The following ETAA1 variants were observed in gnomAD, a reference collection of about 807,000 sequenced individuals.
The protein encoded by ETAA1 is ewing's tumor-associated antigen 1.
In ETAA1, 49 loss-of-function variants were observed where a neutral mutation model predicts 76.8. The ratio of observed to expected loss-of-function variants is 0.64; its 90% CI spans 0.51 to 0.81. The LOEUF (loss-of-function observed/expected upper bound fraction) is 0.81, where lower values mean the gene tolerates loss of function less well. ETAA1 is among the 30% of genes least tolerant of loss of function. The pLI, the probability that ETAA1 is intolerant of heterozygous loss-of-function variation, is 0.00. For missense variants in ETAA1, 1,099 were observed against 1,074.0 expected (o/e 1.02, Z -0.32); for synonymous variants, 373 against 372.2 (o/e 1.00, Z -0.03).
rs1001691796 is a variant in ETAA1 at position 67,404,980 on chromosome 2, C to T, written c.2298C>T (p.Ser766=). The change falls in exon 5 of 6, where the codon TCC becomes TCT. Residue 766 remains serine (S), a synonymous_variant. Transcript: ENST00000272342. ...NTDVPIQVNS[S]KLVLPGSSSL... ...ATGTTCCAATACAAGTGAATAGTTC[C>T]AAATTGGTTCTTCCAGGAAGTTCAA... The T allele has an allele frequency of 1.2e-6, 2 of 1,612,472 alleles. No homozygotes were observed. Among genetic ancestry groups the T allele is most frequent in the Non-Finnish European group, 1.7e-6 (2 of 1,179,114 alleles).
chr2:67,404,041 CAG>C lies in ETAA1; in HGVS notation c.1363_1364del (p.Glu455IlefsTer7). On this transcript the variant is annotated frameshift_variant, in exon 5 of 6. Coordinates refer to ENST00000272342, the MANE Select transcript of ETAA1 (RefSeq NM_019002.4). LOFTEE classifies it high-confidence loss of function. ...LQDLSSKTYDRELIDAEYRFS... is the reference protein window; with the variant it reads ...LQDLSSKTYDXELIDAEYRFS... ...AAGATCTTTCTTCAAAGACATATGACAGAGAATTAATAGATGCAGAATATAGA... is the reference window on the plus strand; with the variant it reads ...AAGATCTTTCTTCAAAGACATATGACAGAATTAATAGATGCAGAATATAGA... The C allele has an allele frequency of 6.2e-7, 1 of 1,606,698 alleles. No individual in the cohort carries two copies. Among genetic ancestry groups the C allele is most frequent in the Non-Finnish European group, 8.5e-7 (1 of 1,176,678 alleles).
In ETAA1 at chr2:67,404,095, C is replaced by T; in HGVS notation, c.1413C>T (p.Asn471=). The change falls in exon 5 of 6, where the codon AAC becomes AAT. Residue 471 remains asparagine (N), a synonymous_variant. Transcript: ENST00000272342. ...YRFSPNSNKS[N]KLSTGNKMKF... ...TTTCACCAAATTCAAATAAATCAAACAAATTATCCACTGGAAATAAAATGA... is the reference window on the plus strand; with the variant it reads ...TTTCACCAAATTCAAATAAATCAAATAAATTATCCACTGGAAATAAAATGA... 5 of 1,592,674 alleles carry T rather than the reference C, an allele frequency of 3.1e-6. No individual in the cohort carries two copies. The highest frequency in any genetic ancestry group is 4.3e-6 in the Non-Finnish European group (5 of 1,172,460).
chr2:67,401,110 G>C (rs189666768), intron 3 of ETAA1: 2 of 152,144 alleles, frequency 1.3e-5, no homozygotes, highest in Non-Finnish European at 2.9e-5. Flanking sequence ...ACCTAAGTGG[G>C]CTAGAAATAA....
rs757890788 is a variant in ETAA1, at chr2:67,403,404, A to G, written c.722A>G (p.His241Arg). ...GATAATATACAGATGTGGTCATTAC[A>G]TAATATAGTTCCCGAAATAGATAAT... ...YKDNIQMWSL[H>R]NIVPEIDNAT... The change falls in exon 5 of 6, where the codon CAT becomes CGT. Residue 241 changes from histidine (H) to arginine (R), a missense_variant. Transcript: ENST00000272342. 3 of 1,608,382 alleles carry G rather than the reference A, an allele frequency of 1.9e-6. 1 individual carries two copies. The highest frequency in any genetic ancestry group is 2.2e-5 in the South Asian group (2 of 90,876).
chr2:67,410,238 A>G lies in ETAA1; in HGVS notation c.*200A>G. ...CATGTATTTGAAAGTCATTAAATACAAAAGTTTTGGAAATTCAGGAAAGTT... is the reference window on the plus strand; with the variant it reads ...CATGTATTTGAAAGTCATTAAATACGAAAGTTTTGGAAATTCAGGAAAGTT... On this transcript the variant is annotated 3_prime_UTR_variant, in exon 6 of 6. Transcript: ENST00000272342. The G allele has an allele frequency of 1.9e-6, 1 of 534,284 alleles. No individual in the cohort carries two copies. Among genetic ancestry groups the G allele is most frequent in the East Asian group, 3.7e-5 (1 of 27,370 alleles). 33.1% of individuals were successfully genotyped at this position (534,284 alleles called of 1,614,324 possible).
intron 5 of ETAA1, among the ~76,000 whole-genome samples, chr2:67,406,174 C>T (rs1053326681): frequency 3.3e-5 from 5 of 152,120 alleles, no homozygotes; most frequent in African/African-American, 1.2e-4. Flanking sequence ...TCTCTTTAAC[C>T]TGCGTCTCCT....
chr2:67,406,530 T>A (rs1676224811), intron 5 of ETAA1, among the ~76,000 whole-genome samples: 1 of 152,166 alleles, frequency 6.6e-6, no homozygotes, highest in South Asian at 2.1e-4. Context: ...CTAAGTGACT[T>A]TTTTTAAAAA....
rs779506067 is a variant in ETAA1 at position 67,404,943 on chromosome 2, A to T, written c.2261A>T (p.Tyr754Phe). 1.2e-6 allele frequency: 2 copies of T among 1,613,120 alleles called. No homozygotes were observed. Among genetic ancestry groups the T allele is most frequent in the African/African-American group, 1.3e-5 (1 of 75,026 alleles). ...CAGATAAATAATCTGCATGTGTCTT[A>T]TACTAACACTGATGTTCCAATACAA... ...NCQINNLHVS[Y>F]TNTDVPIQVN... is the part of the protein sequence containing the mutation. Residue 754 changes from tyrosine to phenylalanine, a missense_variant, in exon 5 of 6, where the codon TAT (tyrosine) becomes TTT (phenylalanine). Physicochemically the swap from Tyr to Phe is conservative, Grantham distance 22. Around this residue, in one of 3 missense-constraint regions of ETAA1, gnomAD observed 302 missense variants for 278.1 expected, o/e 1.09. Coordinates refer to ENST00000272342, the MANE Select transcript of ETAA1 (RefSeq NM_019002.4).
At position 67,411,394 on chromosome 2, in the gene ETAA1, A is replaced by G. The variant is rs942206808; in HGVS notation, c.*1356A>G. 6.6e-6 allele frequency: 1 copy of G among 152,092 alleles called. No homozygotes were observed. Among genetic ancestry groups the G allele is most frequent in the Admixed American group, 6.6e-5 (1 of 15,228 alleles). The allele number at this position is 152,092 out of a possible 1,614,324, so 9.4% of individuals were successfully genotyped here. ...AATAAACCCATCATGAGTTGAAAAT[A>G]CCTTAAGTTAAAAATGCATTTACTA... On this transcript the variant is annotated 3_prime_UTR_variant, in exon 6 of 6. Transcript: ENST00000272342.
intron 3 of ETAA1, 57 bp from the exon 4 acceptor site, chr2:67,402,804 GA>G (rs1198554060): frequency 1.8e-6 from 2 of 1,088,536 alleles, no homozygotes; most frequent in Non-Finnish European, 2.5e-6. Flanking sequence ...TGTTTTTTTG[GA>G]AGACGGGGGA....
rs780212331 is a variant in ETAA1 at position 67,403,570 on chromosome 2, G to C, written c.888G>C (p.Gln296His). Residue 296 changes from glutamine to histidine, a missense_variant, in exon 5 of 6, where the codon CAG becomes CAC. Physicochemically the swap from Gln to His is conservative, Grantham distance 24. Transcript: ENST00000272342. ...GTTCTACTCAGAAATGTAGCGGACAGTTAAGCCAAGAACTGCCAGAGGCTT... is the reference window on the plus strand; with the variant it reads ...GTTCTACTCAGAAATGTAGCGGACACTTAAGCCAAGAACTGCCAGAGGCTT... ...FDGSTQKCSG[Q>H]LSQELPEAFW... 6.2e-7 allele frequency: 1 copy of C among 1,613,378 alleles called. No individual in the cohort carries two copies. The highest frequency in any genetic ancestry group is 8.5e-7 in the Non-Finnish European group (1 of 1,179,406).
chr2:67,404,610 C>A lies in ETAA1; in HGVS notation c.1928C>A (p.Ser643Tyr). 1 of 1,613,154 alleles carries A rather than the reference C, an allele frequency of 6.2e-7. No homozygotes were observed. The highest frequency in any genetic ancestry group is 1.7e-4 in the Middle Eastern group (1 of 6,050). The change falls in exon 5 of 6, where the codon TCC becomes TAC. Residue 643 changes from serine (S) to tyrosine (Y), a missense_variant. By Grantham distance (144) the Ser-to-Tyr change is moderately radical (BLOSUM62 -2). Transcript: ENST00000272342. ...AGTATATGTGAGATCAATAATAATT[C>A]CGAACATGGAGCCAAACTAACTCAG... ...SESICEINNN[S>Y]EHGAKLTQQQ...
chr2:67,397,778 T>A, intron 1 of ETAA1, 107 bp downstream of exon 1: 1 of 1,155,570 alleles, frequency 8.7e-7, no homozygotes, highest in Non-Finnish European at 1.2e-6. Flanking sequence ...GCGTGTATTC[T>A]GTCTCTGGGA....
chr2:67,402,601 AAT>A, intron 3 of ETAA1: 2 of 187,468 alleles, frequency 1.1e-5, no homozygotes, highest in Non-Finnish European at 2.2e-5. Flanking sequence ...TTCTTAAAAC[AAT>A]ATTTTTTTAA....
intron 5 of ETAA1, 57 bp from the exon 6 acceptor site, chr2:67,409,854 A>G: frequency 2.0e-6 from 3 of 1,512,048 alleles, no homozygotes; most frequent in Admixed American, 2.4e-5. Flanking sequence ...ATTAAAGCAC[A>G]TATTGAATGA....
chr2:67,398,187 G>A lies in ETAA1; in HGVS notation c.223+516G>A, dbSNP rs574140840. On this transcript the variant is annotated intron_variant, in intron 1 of 5. Coordinates refer to ENST00000272342, the MANE Select transcript of ETAA1 (RefSeq NM_019002.4). ...AACATCCCTCCAAATAAGATACTAAGGATCTCTTTCGTCTCGATTAGTTTT... is the reference window on the plus strand; with the variant it reads ...AACATCCCTCCAAATAAGATACTAAAGATCTCTTTCGTCTCGATTAGTTTT... Among the ~76,000 whole-genome samples the A allele has an allele frequency of 8.4e-4, 128 of 152,010 alleles. 1 individual carries two copies. The highest frequency in any genetic ancestry group is 3.0e-3 in the African/African-American group (123 of 41,468).
At chr2:67,403,144 T>C (rs1676101229) in intron 4 of ETAA1, 81 bp from the exon 5 acceptor site, 11 of 1,159,812 alleles carry the variant, frequency 9.5e-6, no homozygotes, top group Non-Finnish European at 1.2e-5. Flanking sequence ...ATCTTAGAGC[T>C]TTAACATCAA....
At chr2:67,401,910 C>G (rs1210795370) in intron 3 of ETAA1, 2 of 151,928 alleles carry the variant, frequency 1.3e-5, no homozygotes, top group Admixed American at 6.6e-5. Context: ...CTGTAGGGAT[C>G]TTTTCACCTA....
Position 67,403,434 on chromosome 2 carries a change from C to G in ETAA1, c.752C>G (p.Thr251Arg). 1 of 1,612,364 alleles carries G rather than the reference C, an allele frequency of 6.2e-7. No individual in the cohort carries two copies. Among genetic ancestry groups the G allele is most frequent in the African/African-American group, 1.3e-5 (1 of 74,900 alleles). ...HNIVPEIDNA[T>R]KKPIKGNTKI... is the part of the protein sequence containing the mutation. ...ATAGTTCCCGAAATAGATAATGCTA[C>G]AAAAAAGCCAATCAAAGGAAACACC... The change falls in exon 5 of 6, where the codon ACA (threonine) becomes AGA (arginine). Residue 251 changes from threonine (T) to arginine (R), a missense_variant. Thr to Arg is a moderately conservative substitution (Grantham distance 71). Transcript: ENST00000272342.
Sources: allele counts gnomAD v4.1 joint callset (sites outside exome capture counted in the v4.1 genomes callset), GRCh38; gene constraint gnomAD v4.1.1; regional missense constraint gnomAD v4.1.1; transcripts MANE v1.5; gene names NCBI Gene and HGNC (gene_info 2026-07-23, HGNC 2026-07-21).